The following FYCO1 variants were observed in gnomAD, a reference collection of about 807,000 sequenced individuals.
FYCO1 encodes FYVE and coiled-coil domain autophagy adaptor 1, also known as FYVE and coiled-coil domain-containing protein 1.
FYCO1 carries 122 observed loss-of-function variants against 165.1 expected under a neutral mutation model. The ratio of observed to expected loss-of-function variants is 0.74; its 90% CI spans 0.64 to 0.86. The LOEUF (loss-of-function observed/expected upper bound fraction) is 0.86. FYCO1 is among the 40% of genes least tolerant of loss of function. The pLI is 0.00. For missense variants in FYCO1, 1,702 were observed against 1,810.3 expected, an observed-to-expected ratio of 0.94 and a Z score of 1.09; for synonymous variants, 648 against 742.5, an observed-to-expected ratio of 0.87 and a Z score of 2.07.
intron 4 of FYCO1, among the ~76,000 whole-genome samples, chr3:45,979,459 A>G (rs906158743): frequency 6.6e-6 from 1 of 152,234 alleles, no homozygotes; most frequent in Non-Finnish European, 1.5e-5. Context: ...GTTAAGTAAC[A>G]TGCGGGTTGT....
chr3:45,927,177 A>G (rs1703361668), intron 16 of FYCO1, among the ~76,000 whole-genome samples: 1 of 152,190 alleles, frequency 6.6e-6, no homozygotes, highest in African/African-American at 2.4e-5. Flanking sequence ...TTTTTAGCTC[A>G]TCAGCTATCG....
chr3:45,922,930 C>A (rs781220769), intron 17 of FYCO1, among the ~76,000 whole-genome samples: 1 of 152,208 alleles, frequency 6.6e-6, no homozygotes, highest in African/African-American at 2.4e-5. Flanking sequence ...GGGGTCTGTG[C>A]TGAAGCAGAA....
chr3:45,972,045 C>G (rs1706475736), intron 6 of FYCO1, among the ~76,000 whole-genome samples: 1 of 152,090 alleles, frequency 6.6e-6, no homozygotes, highest in African/African-American at 2.4e-5. Context: ...AAATGATGAA[C>G]AATTATAGTA....
At chr3:45,983,037 T>A (rs34442130) in intron 2 of FYCO1, among the ~76,000 whole-genome samples, 13,493 of 152,288 alleles carry the variant, frequency 0.089, 988 homozygotes, top group South Asian at 0.34. Flanking sequence ...AATTTTCAGC[T>A]CTAATCTCTG....
chr3:45,938,190 G>A (rs1704001269), intron 14 of FYCO1: 2 of 1,287,730 alleles, frequency 1.6e-6, no homozygotes, highest in African/African-American at 3.0e-5. Context: ...GACAACGCCT[G>A]ATTACCTGCA....
rs1705885533 is a variant in FYCO1 at position 45,964,564 on chromosome 3, G to C, written c.3151-110C>G. ...CATCTGGCTGGGTCACTTCTAAATG[G>C]AGGGTTGTTTCCTATTAAGTTCAAG... is the stretch of plus-strand genomic sequence containing the variant. On this transcript the variant is annotated intron_variant, in intron 9 of 17. Coordinates refer to ENST00000296137, the MANE Select transcript of FYCO1 (RefSeq NM_024513.4). The surrounding 1 kb of genome is among the most constrained non-coding windows in gnomAD (Gnocchi z 4.1). 6.4e-7 allele frequency: 1 copy of C among 1,555,076 alleles called. No homozygotes were observed. The highest frequency in any genetic ancestry group is 1.4e-5 in the African/African-American group (1 of 73,522).
At chr3:45,951,211 T>C (rs145217174) in intron 14 of FYCO1, among the ~76,000 whole-genome samples, 32 of 152,254 alleles carry the variant, frequency 2.1e-4, no homozygotes, top group African/African-American at 6.7e-4. Context: ...CATAACTCCA[T>C]GAAAGTCTTC....
chr3:45,964,943 C>G lies in FYCO1; in HGVS notation c.3150+90G>C. 1 of 1,017,888 alleles carries G rather than the reference C, an allele frequency of 9.8e-7. No homozygotes were observed. The highest frequency in any genetic ancestry group is 1.5e-6 in the Non-Finnish European group (1 of 654,208). 63.1% of individuals were successfully genotyped at this position (1,017,888 alleles called of 1,614,324 possible). On this transcript the variant is annotated intron_variant, in intron 9 of 17. Transcript: ENST00000296137. The surrounding 1 kb of genome is among the most constrained non-coding windows in gnomAD (Gnocchi z 4.1). Reference sequence around the variant, plus strand: ...CTGAGGACGGCTTCAGCTTGGGAATCTGGAGGCATGCAGGGAGCCCTCTTA... The same window carrying G: ...CTGAGGACGGCTTCAGCTTGGGAATGTGGAGGCATGCAGGGAGCCCTCTTA...
Position 45,968,657 on chromosome 3 carries a change from T to C in FYCO1, c.677A>G (p.Asn226Ser). 1.2e-6 allele frequency: 2 copies of C among 1,614,182 alleles called. No homozygotes were observed. The highest frequency in any genetic ancestry group is 1.7e-6 in the Non-Finnish European group (2 of 1,180,022). The change falls in exon 8 of 18, where the codon AAC (asparagine) becomes AGC (serine). Residue 226 changes from asparagine (N) to serine (S), a missense_variant. Transcript: ENST00000296137. ...SNFDLNSPLN[N>S]EALEGFDEMR... Reference sequence around the variant, plus strand: ...CTCATCAAAGCCCTCCAATGCCTCGTTGTTTAGGGGGCTGTTCAGGTCAAA... The same window carrying C: ...CTCATCAAAGCCCTCCAATGCCTCGCTGTTTAGGGGGCTGTTCAGGTCAAA...
At chr3:45,938,169 C>T (rs920737230) in intron 14 of FYCO1, 3 of 1,267,480 alleles carry the variant, frequency 2.4e-6, no homozygotes, top group Non-Finnish European at 3.1e-6. Flanking sequence ...TCCCTGACCA[C>T]AGTGATGACA....
chr3:45,959,506 C>T lies in FYCO1; in HGVS notation c.3474G>A (p.Leu1158=). Residue 1158 remains leucine, a synonymous_variant, in exon 12 of 18, where the codon CTG becomes CTA. Coordinates refer to ENST00000296137, the MANE Select transcript of FYCO1 (RefSeq NM_024513.4). ...CAGCACTGAGCTTCTGCTGGAATTCCAGGGCATCTGACTTCTGCCAGAGAG... is the reference window on the plus strand; with the variant it reads ...CAGCACTGAGCTTCTGCTGGAATTCTAGGGCATCTGACTTCTGCCAGAGAG... The part of the protein sequence containing the change: ...KDALWQKSDA[L]EFQQKLSAEE... The T allele has an allele frequency of 1.9e-6, 3 of 1,614,182 alleles. No homozygotes were observed. In the South Asian group the frequency reaches 3.3e-5, roughly 18 times the overall value.
chr3:45,990,020 C>T (rs1707492894), intron 1 of FYCO1, among the ~76,000 whole-genome samples: 1 of 152,200 alleles, frequency 6.6e-6, no homozygotes, highest in South Asian at 2.1e-4. Flanking sequence ...GGTGCATCTA[C>T]TCCTGCTCCA....
chr3:45,977,787 C>T (rs1706848500), intron 4 of FYCO1, among the ~76,000 whole-genome samples: 2 of 152,178 alleles, frequency 1.3e-5, no homozygotes, highest in Admixed American at 1.3e-4. Flanking sequence ...TAGCTACCGC[C>T]TACCTCAAAG....
At chr3:45,995,388 C>T (rs1238399388) in intron 1 of FYCO1, among the ~76,000 whole-genome samples, 1 of 152,244 alleles carries the variant, frequency 6.6e-6, no homozygotes, top group Non-Finnish European at 1.5e-5. Context: ...TGCGCTAAGA[C>T]ATTCAGGCTT....
At chr3:45,971,427 T>C (rs542254839) in intron 6 of FYCO1, among the ~76,000 whole-genome samples, 38 of 152,314 alleles carry the variant, frequency 2.5e-4, no homozygotes, top group Admixed American at 1.2e-3. Flanking sequence ...TGTCTTCCCA[T>C]AAGATATATA....
intron 1 of FYCO1, among the ~76,000 whole-genome samples, chr3:45,992,320 G>C (rs892793532): frequency 6.6e-6 from 1 of 152,208 alleles, no homozygotes; most frequent in African/African-American, 2.4e-5. Context: ...TAGGTGCAGA[G>C]AGGCAGAAGG....
intron 1 of FYCO1, among the ~76,000 whole-genome samples, chr3:45,986,003 G>C (rs1467338669): frequency 6.6e-6 from 1 of 152,220 alleles, no homozygotes; most frequent in Non-Finnish European, 1.5e-5. Context: ...TGCGTGCAGG[G>C]CTCTGTTACG....
intron 13 of FYCO1, 66 bp downstream of exon 13, chr3:45,958,342 A>C: frequency 6.9e-7 from 1 of 1,443,020 alleles, no homozygotes; most frequent in Non-Finnish European, 9.7e-7. Context: ...CTAACTAGCC[A>C]CAACATCGGT....
At chr3:45,986,080 G>C (rs1003155731) in intron 1 of FYCO1, among the ~76,000 whole-genome samples, 7 of 152,210 alleles carry the variant, frequency 4.6e-5, no homozygotes, top group African/African-American at 1.4e-4. Flanking sequence ...CATCGTCCCT[G>C]TTTACAAAGG....
Sources: gnomAD v4.1 joint callset for allele counts (sites outside exome capture counted in the v4.1 genomes callset) on GRCh38, gnomAD v4.1.1 for gene constraint, Gnocchi (gnomAD v3.1) non-coding constraint, MANE v1.5 for transcripts, NCBI Gene and HGNC (gene_info 2026-07-23, HGNC 2026-07-21) for gene names.